The following PLPPR5 variants were observed in gnomAD, a reference collection of about 807,000 sequenced individuals.
The protein encoded by PLPPR5 is phospholipid phosphatase related 5, also known as phospholipid phosphatase-related protein type 5.
Under a neutral mutation model 33.9 loss-of-function variants are expected in PLPPR5, and 16 were observed. The observed-to-expected ratio is 0.47, with a 90% CI of 0.32 to 0.72. The LOEUF is 0.72. Ranked by LOEUF, PLPPR5 falls within the 30% of genes least tolerant of loss-of-function variation. The probability of loss-of-function intolerance (pLI) is 0.03; values close to 1 mark genes in which losing one functional copy is unlikely to be tolerated. For missense variants in PLPPR5, 301 were observed against 406.7 expected, an observed-to-expected ratio of 0.74 and a Z score of 2.23; for synonymous variants, 163 against 150.3, an observed-to-expected ratio of 1.08 and a Z score of -0.62.
chr1:98,998,064 G>T (rs1381003771), intron 1 of PLPPR5, among the ~76,000 whole-genome samples: 2 of 151,966 alleles, frequency 1.3e-5, no homozygotes, highest in African/African-American at 2.4e-5. Flanking sequence ...TTAGCAGTAT[G>T]CAAAGGAGAG....
In PLPPR5 at chr1:99,000,115, C is replaced by T. The variant is rs149619043; in HGVS notation, c.237+4320G>A. On this transcript the variant is annotated intron_variant, in intron 1 of 5. Coordinates refer to ENST00000263177, the MANE Select transcript of PLPPR5 (RefSeq NM_001037317.2). ...TGAACACCAAGGATCACTAACTAAA[C>T]CTGTATCTGTACAAGCAATGTCCAG... 1.4e-4 allele frequency among the ~76,000 whole-genome samples: 21 copies of T among 152,296 alleles called. No homozygotes were observed. The South Asian group carries it at 2.7e-3, about 20-fold the overall frequency.
intron 3 of PLPPR5, among the ~76,000 whole-genome samples, chr1:98,924,347 G>A (rs1649674650): frequency 6.6e-6 from 1 of 152,206 alleles, no homozygotes; most frequent in Admixed American, 6.5e-5. Flanking sequence ...TAAATGGAAA[G>A]TAGAGGGAAG....
chr1:98,897,704 A>C (rs912458918), intron 5 of PLPPR5, among the ~76,000 whole-genome samples: 2 of 152,136 alleles, frequency 1.3e-5, no homozygotes, highest in African/African-American at 4.8e-5. Context: ...TGGTCTTTGC[A>C]GTCAAGTCAT....
intron 1 of PLPPR5, among the ~76,000 whole-genome samples, chr1:98,963,093 T>C (rs772641405): frequency 4.6e-5 from 7 of 152,252 alleles, no homozygotes; most frequent in Non-Finnish European, 8.8e-5. Flanking sequence ...CTCTGTGCTC[T>C]AGTCACAGCT....
intron 1 of PLPPR5, among the ~76,000 whole-genome samples, chr1:98,961,913 C>T (rs1174485517): frequency 6.6e-6 from 1 of 152,122 alleles, no homozygotes; most frequent in Admixed American, 6.5e-5. Context: ...CTAAGGAATC[C>T]TAAATCTGCA....
chr1:98,941,153 C>A (rs2101191972), intron 3 of PLPPR5, among the ~76,000 whole-genome samples: 1 of 151,928 alleles, frequency 6.6e-6, no homozygotes, highest in African/African-American at 2.4e-5. Context: ...AAGAAAAGAT[C>A]TAGAACAGAA....
chr1:98,997,573 C>T (rs72732433), intron 1 of PLPPR5, among the ~76,000 whole-genome samples: 2,841 of 152,158 alleles, frequency 0.019, 40 homozygotes, highest in Non-Finnish European at 0.028. Flanking sequence ...TTGAAAACAG[C>T]CTTGGGTATT....
At chr1:98,967,878 C>T (rs1651508440) in intron 1 of PLPPR5, among the ~76,000 whole-genome samples, 2 of 152,048 alleles carry the variant, frequency 1.3e-5, no homozygotes, top group African/African-American at 4.8e-5. Context: ...GTAAAGGAGT[C>T]TGGGATGCCT....
chr1:98,926,451 TG>T (rs926696694), intron 3 of PLPPR5, among the ~76,000 whole-genome samples: 1 of 20,116 alleles, frequency 5.0e-5, no homozygotes, highest in Admixed American at 7.6e-4. Flanking sequence ...TTGATTAGTG[TG>T]TGTGTGTGTG....
At chr1:98,952,496 C>T (rs139732414) in intron 3 of PLPPR5, among the ~76,000 whole-genome samples, 2,211 of 152,192 alleles carry the variant, frequency 0.015, 16 homozygotes, top group Admixed American at 0.016. Context: ...AGGATAGCTG[C>T]CTGGGGGCCT....
At chr1:98,958,231 A>G (rs1651089722) in intron 1 of PLPPR5, among the ~76,000 whole-genome samples, 1 of 152,238 alleles carries the variant, frequency 6.6e-6, no homozygotes. Context: ...TGGGATCTCT[A>G]TGAAAAGTAG....
chr1:98,930,945 C>T (rs938289503), intron 3 of PLPPR5, among the ~76,000 whole-genome samples: 12 of 152,150 alleles, frequency 7.9e-5, no homozygotes, highest in Non-Finnish European at 8.8e-5. Context: ...GGGGATGAAC[C>T]TCTGTGACCT....
At chr1:98,991,152 G>A (rs1314096681) in intron 1 of PLPPR5, 1 of 151,970 alleles carries the variant, frequency 6.6e-6, no homozygotes, top group Non-Finnish European at 1.5e-5. Context: ...GAAGTTTCCT[G>A]GAGTGTTCTC....
intron 3 of PLPPR5, among the ~76,000 whole-genome samples, chr1:98,944,888 C>A (rs1557678771): frequency 6.6e-6 from 1 of 152,138 alleles, no homozygotes; most frequent in Non-Finnish European, 1.5e-5. Flanking sequence ...CCCCAGGGGT[C>A]CAGGAGTAAG....
intron 1 of PLPPR5, 63 bp downstream of exon 1, chr1:99,004,372 A>C (rs1652984869): frequency 7.1e-7 from 1 of 1,417,764 alleles, no homozygotes; most frequent in African/African-American, 1.4e-5. Context: ...GAGGGGCCTC[A>C]ACCCCGAAGG....
chr1:99,001,133 C>CTTT (rs72190147), intron 1 of PLPPR5, among the ~76,000 whole-genome samples: 8 of 134,900 alleles, frequency 5.9e-5, no homozygotes, highest in African/African-American at 1.1e-4. Flanking sequence ...GTTCCCAACT[C>CTTT]TTTTTTTTTT....
rs1174511185 is a variant in PLPPR5, at chr1:98,939,281, T to A, written c.621+13789A>T. On this transcript the variant is annotated intron_variant, in intron 3 of 5. Coordinates refer to ENST00000263177, the MANE Select transcript of PLPPR5 (RefSeq NM_001037317.2). ...CACATAGTTATTACTGAAAATAATT[T>A]TTCCATATAGAGGAAGGGATGCTAA... 6.1e-3 allele frequency among the ~76,000 whole-genome samples: 917 copies of A among 149,876 alleles called. 7 individuals are homozygous for A. The highest frequency in any genetic ancestry group is 8.6e-3 in the Admixed American group (130 of 15,048).
intron 3 of PLPPR5, among the ~76,000 whole-genome samples, chr1:98,943,703 A>C (rs1335679232): frequency 6.6e-6 from 1 of 152,228 alleles, no homozygotes; most frequent in African/African-American, 2.4e-5. Context: ...ACATTATTGA[A>C]GGGAGGATAG....
At chr1:98,998,673 C>T (rs1451534485) in intron 1 of PLPPR5, among the ~76,000 whole-genome samples, 1 of 152,160 alleles carries the variant, frequency 6.6e-6, no homozygotes, top group Non-Finnish European at 1.5e-5. Context: ...ATGAAATGCA[C>T]AGCCTTTGGT....
Sources: allele counts gnomAD v4.1 joint callset (sites outside exome capture counted in the v4.1 genomes callset), GRCh38; gene constraint gnomAD v4.1.1; transcripts MANE v1.5; gene names NCBI Gene and HGNC (gene_info 2026-07-23, HGNC 2026-07-21).